The following CYP3A4 variants were observed in gnomAD, a reference collection of about 807,000 sequenced individuals.
CYP3A4 encodes cytochrome P450 3A4.
Under a neutral mutation model 54.9 loss-of-function variants are expected in CYP3A4, and 41 were observed. The observed-to-expected ratio is 0.75, with a 90% CI of 0.58 to 0.97. The LOEUF is 0.97. Ranked by LOEUF, CYP3A4 falls within the 50% of genes least tolerant of loss-of-function variation. CYP3A4 has a pLI of 0.00. For synonymous variants in CYP3A4, 179 were observed against 205.2 expected (o/e 0.87, Z 1.09); for missense variants, 510 against 597.3 (o/e 0.85, Z 1.52).
intron 2 of CYP3A4, among the ~76,000 whole-genome samples, chr7:99,779,012 T>C (rs1460593585): frequency 6.6e-6 from 1 of 152,184 alleles, no homozygotes; most frequent in Non-Finnish European, 1.5e-5. Context: ...GCCAAAGAGC[T>C]GACTGCTGCG....
chr7:99,762,696 C>T (rs1364198316), intron 10 of CYP3A4, among the ~76,000 whole-genome samples: 3 of 152,082 alleles, frequency 2.0e-5, no homozygotes, highest in Admixed American at 6.5e-5. Context: ...ATAAACTAGT[C>T]CCTTTCTATC....
At chr7:99,760,528 C>T (rs1815291414) in intron 12 of CYP3A4, among the ~76,000 whole-genome samples, 1 of 152,194 alleles carries the variant, frequency 6.6e-6, no homozygotes, top group East Asian at 1.9e-4. Context: ...AAATACTTCC[C>T]CATCTTTCCA....
chr7:99,778,586 GGTAA>G (rs1385206561), intron 2 of CYP3A4, among the ~76,000 whole-genome samples: 1 of 152,180 alleles, frequency 6.6e-6, no homozygotes, highest in African/African-American at 2.4e-5. Context: ...AGCAGATTTA[GGTAA>G]GTATGAGGCA....
chr7:99,762,621 T>C (rs1030853674), intron 10 of CYP3A4, among the ~76,000 whole-genome samples: 22 of 152,268 alleles, frequency 1.4e-4, no homozygotes, highest in African/African-American at 5.1e-4. Context: ...GGAGGACTTT[T>C]GTTATATACA....
rs1815995056 is a variant in CYP3A4 at position 99,783,996 on chromosome 7, T to C, written c.71+15A>G. 1.2e-6 allele frequency: 2 copies of C among 1,613,288 alleles called. No homozygotes were observed. The highest frequency in any genetic ancestry group is 2.7e-5 in the African/African-American group (2 of 74,990). ...TCCAAGGAAACAGAGAAGAGGAGCC[T>C]GGACAGTTACTCACAGATAGAGGAG... On this transcript the variant is annotated intron_variant, in intron 1 of 12. Transcript: ENST00000651514.
Position 99,777,921 on chromosome 7 carries a change from A to G in CYP3A4, c.218+107T>C, listed in dbSNP as rs1378052063. ...CTTCTCTCTGTTTGTAGTTAGGTTGACAAGAGCTTCATCCCAAGAGGCTTT... is the reference window on the plus strand; with the variant it reads ...CTTCTCTCTGTTTGTAGTTAGGTTGGCAAGAGCTTCATCCCAAGAGGCTTT... On this transcript the variant is annotated intron_variant, in intron 3 of 12. Transcript: ENST00000651514. The G allele has an allele frequency of 9.3e-6, 8 of 858,804 alleles. No homozygotes were observed. The Admixed American group carries it at 1.1e-4, about 12-fold the overall frequency. 53.2% of individuals were successfully genotyped at this position (858,804 alleles called of 1,614,324 possible). A position where few individuals can be genotyped will look rare whatever the true frequency, so the allele number is the denominator to read the frequency against.
At chr7:99,764,081 G>C (rs2151555845) in intron 9 of CYP3A4, 66 bp from the exon 10 acceptor site, 1 of 1,606,338 alleles carries the variant, frequency 6.2e-7, no homozygotes, top group African/African-American at 1.3e-5. Flanking sequence ...TTTAGATGAA[G>C]AGAAATCTAA....
In CYP3A4 at chr7:99,784,049, G is replaced by C. The variant is rs1402477917; in HGVS notation, c.33C>G (p.Thr11=). 2 of 1,613,962 alleles carry C rather than the reference G, an allele frequency of 1.2e-6. No homozygotes were observed. The highest frequency in any genetic ancestry group is 1.7e-6 in the Non-Finnish European group (2 of 1,179,966). ...CCAGGCTGACAGCCAGGAGAAGCCA[G>C]GTTTCCATGGCCAAGTCTGGGATGA... The part of the protein sequence containing the change: MALIPDLAME[T]WLLLAVSLVL... The change falls in exon 1 of 13, where the codon ACC becomes ACG. Residue 11 remains threonine (T), a synonymous_variant. Coordinates refer to ENST00000651514, the MANE Select transcript of CYP3A4 (RefSeq NM_017460.6).
At chr7:99,769,445 A>T (rs908687653) in intron 6 of CYP3A4, 19 of 359,372 alleles carry the variant, frequency 5.3e-5, no homozygotes, top group Non-Finnish European at 9.6e-5. Flanking sequence ...CCACCATCCC[A>T]TACACTCCAT....
intron 3 of CYP3A4, among the ~76,000 whole-genome samples, chr7:99,774,046 CAG>C (rs1815697320): frequency 6.6e-6 from 1 of 152,156 alleles, no homozygotes; most frequent in Non-Finnish European, 1.5e-5. Flanking sequence ...AAATTACCAT[CAG>C]AGAATACTAT....
rs1006732736 is a variant in CYP3A4 at position 99,772,483 on chromosome 7, G to A, written c.318+107C>T. The A allele has an allele frequency of 4.3e-5, 61 of 1,423,994 alleles. No individual in the cohort carries two copies. The Admixed American group carries it at 4.3e-4, about 10-fold the overall frequency. The allele number at this position is 1,423,994 out of a possible 1,614,324, so 88.2% of individuals were successfully genotyped here. ...TCGGGGGGGACAGGATGAAGTGGAC[G>A]TGGAACCTTCCTGGACATTTTTTAG... On this transcript the variant is annotated intron_variant, in intron 4 of 12. Transcript: ENST00000651514.
In CYP3A4 at chr7:99,757,744, T is replaced by C. The variant is rs558124508; in HGVS notation, c.*389A>G. On this transcript the variant is annotated 3_prime_UTR_variant, in exon 13 of 13. Coordinates refer to ENST00000651514, the MANE Select transcript of CYP3A4 (RefSeq NM_017460.6). ...AGAATACTCCAGAGAAAACATGTGA[T>C]ATAAATGTCATTGTTAGAGCCATCA... 2.2e-4 allele frequency: 43 copies of C among 194,288 alleles called. No homozygotes were observed. Among genetic ancestry groups the C allele is most frequent in the African/African-American group, 9.4e-4 (40 of 42,576 alleles). 12.0% of individuals were successfully genotyped at this position (194,288 alleles called of 1,614,324 possible).
At chr7:99,774,879 G>A (rs981380982) in intron 3 of CYP3A4, among the ~76,000 whole-genome samples, 1 of 152,132 alleles carries the variant, frequency 6.6e-6, no homozygotes, top group Non-Finnish European at 1.5e-5. Context: ...TATTCAATTA[G>A]GAAAAGAGGA....
At chr7:99,772,748 C>T in intron 3 of CYP3A4, 59 bp from the exon 4 acceptor site, 3 of 1,575,808 alleles carry the variant, frequency 1.9e-6, no homozygotes, top group Admixed American at 3.4e-5. Flanking sequence ...AGCTGGAGCC[C>T]AACCCAGGAA....
intron 7 of CYP3A4, among the ~76,000 whole-genome samples, chr7:99,767,953 C>T (rs916530067): frequency 2.6e-5 from 4 of 151,884 alleles, no homozygotes; most frequent in South Asian, 2.1e-4. Flanking sequence ...ACATAGTAAA[C>T]GAAGAAGGGC....
intron 11 of CYP3A4, among the ~76,000 whole-genome samples, chr7:99,761,336 A>G (rs1197124685): frequency 6.6e-6 from 1 of 152,220 alleles, no homozygotes; most frequent in East Asian, 1.9e-4. Context: ...TCCTGCCTCA[A>G]GTCACACTTA....
intron 4 of CYP3A4, among the ~76,000 whole-genome samples, chr7:99,772,144 G>A (rs1401753597): frequency 6.6e-6 from 1 of 152,166 alleles, no homozygotes; most frequent in African/African-American, 2.4e-5. Flanking sequence ...AAAAAGACTT[G>A]TGACTGTAGG....
intron 1 of CYP3A4, 164 bp from the exon 2 acceptor site, chr7:99,780,249 G>A: frequency 1.5e-6 from 1 of 688,410 alleles, no homozygotes; most frequent in South Asian, 1.9e-5. Context: ...TTGTTCATCA[G>A]GTCCTTTCCT....
rs202074877 is a variant in CYP3A4, at chr7:99,767,278, A to G, written c.671-20T>C. The stretch of plus-strand genomic sequence containing the variant: ...AGACTGCTGTAGGAAAAACAAAACA[A>G]AAACAGAAAAAGAAATTCATTGTGA... On this transcript the variant is annotated intron_variant, in intron 7 of 12. Coordinates refer to ENST00000651514, the MANE Select transcript of CYP3A4 (RefSeq NM_017460.6). 1,099 of 1,557,108 alleles carry G rather than the reference A, an allele frequency of 7.1e-4. 13 individuals are homozygous for G. In the South Asian group the frequency reaches 0.013, roughly 18 times the overall value.
Sources: allele counts gnomAD v4.1 joint callset (sites outside exome capture counted in the v4.1 genomes callset), GRCh38; gene constraint gnomAD v4.1.1; transcripts MANE v1.5; gene names NCBI Gene and HGNC (gene_info 2026-07-23, HGNC 2026-07-21).